Variants in PRSS23 observed in about 807,000 individuals in gnomAD.
PRSS23 encodes serine protease 23.
A neutral mutation model predicts 34.7 loss-of-function variants in PRSS23; 25 were observed. That is an observed-to-expected ratio of 0.72 (90% CI 0.53 to 1.01). The LOEUF is 1.01. PRSS23 is among the 50% of genes least tolerant of loss of function. PRSS23 has a pLI of 0.00. For missense variants in PRSS23, 445 were observed against 475.6 expected, an observed-to-expected ratio of 0.94 and a Z score of 0.60; for synonymous variants, 176 against 186.6, an observed-to-expected ratio of 0.94 and a Z score of 0.46.
At chr11:86,871,774 G>T (rs1948685748) in intron 2 of PRSS23, among the ~76,000 whole-genome samples, 1 of 152,142 alleles carries the variant, frequency 6.6e-6, no homozygotes, top group African/African-American at 2.4e-5. Context: ...AAAGTCAGGA[G>T]GTAACATTTA....
rs1025819742 is a variant in PRSS23, at chr11:86,878,374, T to C, written c.206+54781T>C. 3.3e-5 allele frequency among the ~76,000 whole-genome samples: 5 copies of C among 151,072 alleles called. 1 individual carries two copies. In the South Asian group the frequency reaches 1.1e-3, roughly 32 times the overall value. ...CTGCAGCCTCCCTGCCTGATTCTCC[T>C]GCCTCAGCCTGCCAAGTGCCTGCGA... On this transcript the variant is annotated intron_variant, in intron 2 of 2. Transcript: ENST00000533902.
chr11:86,909,451 G>A (rs1948963782), intron 2 of PRSS23: 1 of 152,260 alleles, frequency 6.6e-6, no homozygotes, highest in Non-Finnish European at 1.5e-5. Flanking sequence ...CACATCAATT[G>A]AAGCCACCTG....
At chr11:86,832,699 A>G (rs1948368866) in intron 2 of PRSS23, 1 of 329,176 alleles carries the variant, frequency 3.0e-6, no homozygotes, top group Non-Finnish European at 5.9e-6. Context: ...CGACTTTTCC[A>G]TAAAATAAGC....
chr11:86,906,845 T>C (rs1486793248), intron 2 of PRSS23, among the ~76,000 whole-genome samples: 1 of 152,276 alleles, frequency 6.6e-6, no homozygotes, highest in African/African-American at 2.4e-5. Flanking sequence ...ATGGCATTTG[T>C]ATCTCTGTAC....
At chr11:86,822,725 C>T (rs1056843520) in intron 1 of PRSS23, among the ~76,000 whole-genome samples, 1 of 151,808 alleles carries the variant, frequency 6.6e-6, no homozygotes, top group Admixed American at 6.6e-5. Flanking sequence ...CAGGACTGTC[C>T]AGGAATGGGA....
At chr11:86,832,582 T>A (rs1590884756) in intron 2 of PRSS23, 2 of 483,382 alleles carry the variant, frequency 4.1e-6, no homozygotes, top group East Asian at 1.1e-4. Context: ...TGTTTCTCAG[T>A]CTGTAGATGA....
intron 2 of PRSS23, among the ~76,000 whole-genome samples, chr11:86,894,583 T>G (rs77922337): frequency 0.019 from 2,838 of 152,206 alleles, 103 homozygotes; most frequent in African/African-American, 0.065. Flanking sequence ...ATCTTATTGC[T>G]TCTCCATTTC....
chr11:86,858,805 T>C (rs1948591551), intron 2 of PRSS23, among the ~76,000 whole-genome samples: 1 of 151,758 alleles, frequency 6.6e-6, no homozygotes, highest in African/African-American at 2.4e-5. Flanking sequence ...ACACTCCTCC[T>C]ATAATATTGT....
At chr11:86,823,316 A>G in intron 1 of PRSS23, 1 of 690,772 alleles carries the variant, frequency 1.4e-6, no homozygotes, top group South Asian at 1.5e-5. Flanking sequence ...AGAATAGCTA[A>G]CCTAATTTAG....
At position 86,886,364 on chromosome 11, in the gene PRSS23, A is replaced by G. The variant is rs1164606794; in HGVS notation, c.206+62771A>G. On this transcript the variant is annotated intron_variant, in intron 2 of 2. Coordinates refer to the PRSS23 transcript ENST00000533902. ...CATGATGGATCATTTGTAGGAGTAT[A>G]AAGACCTCAGCTCCCTCCCTGCACT... Among the ~76,000 whole-genome samples, 5 of 152,140 alleles carry G rather than the reference A, an allele frequency of 3.3e-5. No individual in the cohort carries two copies. In the East Asian group the frequency reaches 9.6e-4, roughly 29 times the overall value.
chr11:86,862,508 G>T (rs532393486), intron 2 of PRSS23, among the ~76,000 whole-genome samples: 4 of 151,788 alleles, frequency 2.6e-5, no homozygotes, highest in African/African-American at 4.8e-5. Flanking sequence ...GATAATATTC[G>T]TAATATCCTA....
chr11:86,940,618 CCTGTGCTGAGCGCAGGAGAGAATACGG>C (rs1949201093), intron 2 of PRSS23, among the ~76,000 whole-genome samples: 2 of 152,254 alleles, frequency 1.3e-5, no homozygotes, highest in African/African-American at 4.8e-5. Flanking sequence ...TGCCGACTCC[CCTGTGCTGAGCGCAGGAGAGAATACGG>C]CCTCCAAGGC....
At chr11:86,899,927 G>C (rs1232377208) in intron 2 of PRSS23, among the ~76,000 whole-genome samples, 1 of 151,808 alleles carries the variant, frequency 6.6e-6, no homozygotes, top group Non-Finnish European at 1.5e-5. Context: ...GAAAAGGCTA[G>C]ATTTTTAAAA....
chr11:86,876,708 T>C (rs987285588), intron 2 of PRSS23, among the ~76,000 whole-genome samples: 2 of 133,352 alleles, frequency 1.5e-5, no homozygotes, highest in African/African-American at 3.1e-5. Flanking sequence ...AAGACAGTGA[T>C]CTATATAACA....
rs2134965001 is a variant in PRSS23, at chr11:86,884,747, A to C, written c.206+61154A>C. Among the ~76,000 whole-genome samples, 3 of 152,244 alleles carry C rather than the reference A, an allele frequency of 2.0e-5. No homozygotes were observed. In the Middle Eastern group the frequency reaches 0.01, roughly 518 times the overall value. On this transcript the variant is annotated intron_variant, in intron 2 of 2. Coordinates refer to the PRSS23 transcript ENST00000533902. ...GCCTCTTGTCCCACCATTCCCCTAC[A>C]CTATCATATCTTACTCTGTTCATCC...
At chr11:86,889,200 T>G (rs944883836) in intron 2 of PRSS23, among the ~76,000 whole-genome samples, 1 of 152,184 alleles carries the variant, frequency 6.6e-6, no homozygotes, top group Non-Finnish European at 1.5e-5. Context: ...CCTCATGGCC[T>G]TTTTGTACGG....
chr11:86,797,241 C>T (rs1230116521), upstream of PRSS23, among the ~76,000 whole-genome samples: 2 of 152,274 alleles, frequency 1.3e-5, no homozygotes, highest in Admixed American at 6.5e-5. Context: ...CCCCTCCCCA[C>T]TGGGGAGGGA....
intron 2 of PRSS23, among the ~76,000 whole-genome samples, chr11:86,843,554 T>A (rs528619663): frequency 3.3e-4 from 50 of 152,086 alleles, no homozygotes; most frequent in East Asian, 1.2e-3. Flanking sequence ...GAATCTACAA[T>A]GAACTTAAAC....
chr11:86,928,080 GTATATGTA>G (rs1325226569), intron 2 of PRSS23, among the ~76,000 whole-genome samples: 9 of 150,472 alleles, frequency 6.0e-5, no homozygotes, highest in South Asian at 2.1e-4. Flanking sequence ...ATGTATGTAT[GTATATGTA>G]TATATGTATA....
Sources: allele counts gnomAD v4.1 joint callset (sites outside exome capture counted in the v4.1 genomes callset), GRCh38; gene constraint gnomAD v4.1.1; transcripts MANE v1.5; gene names NCBI Gene and HGNC (gene_info 2026-07-23, HGNC 2026-07-21).